SHB: variants seen among roughly 807,000 people sequenced by gnomAD.
SHB encodes the protein SH2 domain-containing adapter protein B.
SHB carries 20 observed loss-of-function variants against 52.3 expected under a neutral mutation model. The ratio of observed to expected loss-of-function variants is 0.38; its 90% CI spans 0.27 to 0.56. SHB has a LOEUF of 0.56. SHB is among the 20% of genes least tolerant of loss of function. The pLI, the probability that SHB is intolerant of heterozygous loss-of-function variation, is 0.71. For synonymous variants in SHB, 397 were observed against 316.5 expected (o/e 1.25, Z -2.70); for missense variants, 825 against 723.3 (o/e 1.14, Z -1.61).
chr9:38,068,187 G>T lies in SHB; in HGVS notation c.459C>A (p.Ser153=). ...AGAGATGCGGAGAGCCGGAGGACGA[G>T]GACGAGGACGCGGCGGCCCCCGCGC... ...SSGAGAAASS[S]SSSGSPHLYR... is the part of the protein sequence containing the mutation. The change falls in exon 1 of 6, where the codon TCC becomes TCA. Residue 153 remains serine (S), a synonymous_variant. Transcript: ENST00000377707. The T allele has an allele frequency of 7.1e-7, 1 of 1,415,144 alleles. No homozygotes were observed. The highest frequency in any genetic ancestry group is 9.1e-7 in the Non-Finnish European group (1 of 1,097,916). The allele number at this position is 1,415,144 out of a possible 1,614,324, so 87.7% of individuals were successfully genotyped here. A position where few individuals can be genotyped will look rare whatever the true frequency, so the allele number is the denominator to read the frequency against.
intron 4 of SHB, among the ~76,000 whole-genome samples, chr9:37,950,075 A>G (rs1385410332): frequency 6.6e-6 from 1 of 152,100 alleles, no homozygotes; most frequent in Non-Finnish European, 1.5e-5. Context: ...AGTAGCTGGG[A>G]CTACAGGTGC....
At chr9:38,057,786 TTC>T (rs1020050440) in intron 1 of SHB, among the ~76,000 whole-genome samples, 5 of 152,358 alleles carry the variant, frequency 3.3e-5, no homozygotes, top group African/African-American at 1.2e-4. Context: ...TTCCTCCTAG[TTC>T]TGTTTGCATT....
At chr9:37,956,138 G>A (rs979559072) in intron 3 of SHB, 84 bp from the exon 4 acceptor site, 5 of 1,279,596 alleles carry the variant, frequency 3.9e-6, no homozygotes, top group Non-Finnish European at 3.3e-6. Flanking sequence ...ACGTTCAGCT[G>A]GTCTAGTTGG....
At chr9:37,932,592 T>C (rs759174662) in intron 5 of SHB, among the ~76,000 whole-genome samples, 5 of 149,590 alleles carry the variant, frequency 3.3e-5, no homozygotes, top group African/African-American at 4.9e-5. Context: ...GGTAACTATG[T>C]AAGGTGAGGG....
intron 2 of SHB, among the ~76,000 whole-genome samples, chr9:38,003,061 C>A (rs1246682801): frequency 1.3e-5 from 2 of 152,186 alleles, no homozygotes; most frequent in Non-Finnish European, 2.9e-5. Flanking sequence ...AAGGACCAAG[C>A]CCTTCCTCCT....
At chr9:38,014,421 G>A (rs1216361354) in intron 2 of SHB, among the ~76,000 whole-genome samples, 7 of 152,264 alleles carry the variant, frequency 4.6e-5, no homozygotes, top group Non-Finnish European at 1.5e-5. Context: ...GGAGGTGAGG[G>A]CATGCACTGG....
At chr9:38,034,941 C>T (rs1302862923) in intron 1 of SHB, among the ~76,000 whole-genome samples, 1 of 152,214 alleles carries the variant, frequency 6.6e-6, no homozygotes, top group East Asian at 1.9e-4. Flanking sequence ...AGGTGATCTG[C>T]CCACCTCGGC....
At chr9:38,014,151 T>TC (rs950606620) in intron 2 of SHB, among the ~76,000 whole-genome samples, 4 of 150,864 alleles carry the variant, frequency 2.7e-5, no homozygotes, top group South Asian at 2.1e-4. Flanking sequence ...CAAGTCTCTG[T>TC]CCCCCCCGCC....
At chr9:37,953,153 A>G (rs1832586299) in intron 4 of SHB, among the ~76,000 whole-genome samples, 1 of 152,102 alleles carries the variant, frequency 6.6e-6, no homozygotes, top group Non-Finnish European at 1.5e-5. Context: ...GGTGACTGCC[A>G]CGGAGGACAG....
chr9:37,979,284 T>C (rs562963654), intron 2 of SHB, among the ~76,000 whole-genome samples: 119 of 152,126 alleles, frequency 7.8e-4, no homozygotes, highest in African/African-American at 2.7e-3. Flanking sequence ...AGGATGGGGG[T>C]TTCTGTTGAC....
At chr9:38,008,335 G>A (rs1052907900) in intron 2 of SHB, among the ~76,000 whole-genome samples, 4 of 152,242 alleles carry the variant, frequency 2.6e-5, no homozygotes, top group South Asian at 2.1e-4. Flanking sequence ...ACAGCTCTGC[G>A]GGTGAGCACC....
At chr9:37,975,521 G>A (rs1820643725) in intron 2 of SHB, among the ~76,000 whole-genome samples, 1 of 152,236 alleles carries the variant, frequency 6.6e-6, no homozygotes, top group East Asian at 1.9e-4. Context: ...CTAAGGCCTG[G>A]CACTGGTGTG....
rs183091665 is a variant in SHB, at chr9:37,963,819, G to A, written c.1055-7765C>T. ...TCACAACAATGCACTAACATCTGTA[G>A]ATGACTGAAACCCTGTTCACATGAC... On this transcript the variant is annotated intron_variant, in intron 3 of 5. Coordinates refer to ENST00000377707, the MANE Select transcript of SHB (RefSeq NM_003028.3). Among the ~76,000 whole-genome samples the A allele has an allele frequency of 1.0e-3, 155 of 152,348 alleles. 1 individual carries two copies. Among genetic ancestry groups the A allele is most frequent in the Non-Finnish European group, 1.2e-3 (80 of 68,032 alleles).
intron 5 of SHB, among the ~76,000 whole-genome samples, chr9:37,929,045 GGGGT>G (rs1485503132): frequency 6.6e-6 from 1 of 152,258 alleles, no homozygotes; most frequent in Non-Finnish European, 1.5e-5. Context: ...GCTGGAGAGG[GGGGT>G]GGGCCTTGGG....
intron 2 of SHB, among the ~76,000 whole-genome samples, chr9:38,015,069 A>G (rs896976195): frequency 7.0e-4 from 107 of 152,356 alleles, no homozygotes; most frequent in African/African-American, 2.4e-3. Flanking sequence ...ATAGGCCTCC[A>G]AAGCCCAGGC....
chr9:38,040,902 C>T (rs1285585077), intron 1 of SHB, among the ~76,000 whole-genome samples: 1 of 132,604 alleles, frequency 7.5e-6, no homozygotes, highest in Admixed American at 7.5e-5. Context: ...AGGGAGGGTG[C>T]GGGGTGGGGT....
chr9:37,977,700 A>G (rs1360794735), intron 2 of SHB, among the ~76,000 whole-genome samples: 2 of 152,230 alleles, frequency 1.3e-5, no homozygotes, highest in Non-Finnish European at 1.5e-5. Context: ...ATTGTCTTGT[A>G]GGGTCCTCAT....
At chr9:37,987,614 T>G (rs187321783) in intron 2 of SHB, among the ~76,000 whole-genome samples, 3 of 152,256 alleles carry the variant, frequency 2.0e-5, no homozygotes, top group Admixed American at 1.3e-4. Flanking sequence ...TGGCTGTCAG[T>G]TGGTCATCAG....
intron 2 of SHB, among the ~76,000 whole-genome samples, chr9:38,001,314 G>A (rs7032568): frequency 0.04 from 6,142 of 152,228 alleles, 259 homozygotes; most frequent in African/African-American, 0.11. Flanking sequence ...AAAGGGAGAC[G>A]GAACCACCCT....
Sources: allele counts gnomAD v4.1 joint callset (sites outside exome capture counted in the v4.1 genomes callset), GRCh38; gene constraint gnomAD v4.1.1; transcripts MANE v1.5; gene names NCBI Gene and HGNC (gene_info 2026-07-23, HGNC 2026-07-21).